The following FRMD4A variants were observed in gnomAD, a reference collection of about 807,000 sequenced individuals.
FRMD4A encodes the protein FERM domain-containing protein 4A.
FRMD4A carries 29 observed loss-of-function variants against 129.1 expected under a neutral mutation model. That is an observed-to-expected ratio of 0.22 (90% CI 0.17 to 0.31). The LOEUF (loss-of-function observed/expected upper bound fraction) is 0.31. Ranked by LOEUF, FRMD4A falls within the 10% of genes least tolerant of loss-of-function variation. The pLI, the probability that FRMD4A is intolerant of heterozygous loss-of-function variation, is 1.00. For missense variants in FRMD4A, 1,272 were observed against 1,375.8 expected, an observed-to-expected ratio of 0.92 and a Z score of 1.19; for synonymous variants, 634 against 571.6, an observed-to-expected ratio of 1.11 and a Z score of -1.56.
At chr10:14,090,569 C>G (rs1043146243) in intron 2 of FRMD4A, among the ~76,000 whole-genome samples, 2 of 152,182 alleles carry the variant, frequency 1.3e-5, no homozygotes, top group Non-Finnish European at 2.9e-5. Flanking sequence ...CAGCATCCCC[C>G]CAGCCGCTCC....
In FRMD4A at chr10:13,871,631, C is replaced by T. The variant is rs564068061; in HGVS notation, c.46-12719G>A. 1.2e-4 allele frequency among the ~76,000 whole-genome samples: 19 copies of T among 152,330 alleles called. No homozygotes were observed. The East Asian group carries it at 1.3e-3, about 11-fold the overall frequency. The stretch of plus-strand genomic sequence containing the variant: ...AGACTGAGGAAGCCGCTGACTCTGC[C>T]GGGTTCTCCCTGCTCTGCCACTCCA... On this transcript the variant is annotated intron_variant, in intron 2 of 24. Coordinates refer to ENST00000357447, the MANE Select transcript of FRMD4A (RefSeq NM_018027.5).
At chr10:14,156,641 G>A (rs192238759) in intron 2 of FRMD4A, among the ~76,000 whole-genome samples, 3 of 152,238 alleles carry the variant, frequency 2.0e-5, no homozygotes, top group East Asian at 1.9e-4. Flanking sequence ...AGAGATCTAC[G>A]TGGGTTTATA....
intron 2 of FRMD4A, among the ~76,000 whole-genome samples, chr10:14,147,745 C>T (rs996822816): frequency 1.3e-5 from 2 of 152,112 alleles, no homozygotes; most frequent in African/African-American, 2.4e-5. Flanking sequence ...CGCCACTCAC[C>T]TCCTGCTGTG....
chr10:13,963,122 C>T (rs1350630430), intron 2 of FRMD4A, among the ~76,000 whole-genome samples: 8 of 152,170 alleles, frequency 5.3e-5, no homozygotes, highest in African/African-American at 9.7e-5. Context: ...AATGGAAGCA[C>T]ACCAGTAGAA....
At chr10:13,945,489 T>A (rs2095324878) in intron 2 of FRMD4A, among the ~76,000 whole-genome samples, 1 of 152,196 alleles carries the variant, frequency 6.6e-6, no homozygotes, top group South Asian at 2.1e-4. Context: ...GTCTCAGGAT[T>A]TTTTTCCTTG....
chr10:14,285,449 T>A (rs529652857), intron 2 of FRMD4A, among the ~76,000 whole-genome samples: 1 of 152,340 alleles, frequency 6.6e-6, no homozygotes, highest in Admixed American at 6.5e-5. Context: ...TCAACCTAAA[T>A]GGAGTTTTAC....
At chr10:13,742,973 C>T (rs376974897) in intron 9 of FRMD4A, among the ~76,000 whole-genome samples, 2 of 152,190 alleles carry the variant, frequency 1.3e-5, no homozygotes, top group South Asian at 2.1e-4. Context: ...CAATGACTAC[C>T]TTAACCTCCA....
rs1182182065 is a variant in FRMD4A, at chr10:13,714,149, G to A, written c.760-7036C>T. Among the ~76,000 whole-genome samples, 5 of 147,358 alleles carry A rather than the reference G, an allele frequency of 3.4e-5. No homozygotes were observed. The Admixed American group carries it at 3.5e-4, about 10-fold the overall frequency. ...TTCTCAGCTCACTGCAACCTCTGCTGCCTCCCGGGTTCAAGTGATTCTCTT... is the reference window on the plus strand; with the variant it reads ...TTCTCAGCTCACTGCAACCTCTGCTACCTCCCGGGTTCAAGTGATTCTCTT... On this transcript the variant is annotated intron_variant, in intron 12 of 24. Transcript: ENST00000357447.
intron 2 of FRMD4A, among the ~76,000 whole-genome samples, chr10:13,942,934 C>G (rs530476292): frequency 6.8e-6 from 1 of 146,446 alleles, no homozygotes; most frequent in East Asian, 2.2e-4. Flanking sequence ...TCCATCTCAA[C>G]AAAAAGGCAA....
At chr10:14,191,298 G>A (rs953047702) in intron 2 of FRMD4A, among the ~76,000 whole-genome samples, 5 of 152,192 alleles carry the variant, frequency 3.3e-5, no homozygotes, top group Admixed American at 2.6e-4. Context: ...TCTGCTTTGA[G>A]AGAATTTTAT....
chr10:13,789,550 T>C (rs993258558), intron 5 of FRMD4A, among the ~76,000 whole-genome samples: 7 of 128,174 alleles, frequency 5.5e-5, no homozygotes, highest in Non-Finnish European at 1.7e-5. Context: ...GTTGTGCCTA[T>C]GAAAAGACCA....
At position 14,245,509 on chromosome 10, in the gene FRMD4A, G is replaced by A. The variant is rs1237653021; in HGVS notation, c.45+84549C>T. ...CTCAAGTCCTGTTGTGGGCTGAATT[G>A]TATCTCCCTTACCCCCCAAACTCAT... is the stretch of plus-strand genomic sequence containing the variant. On this transcript the variant is annotated intron_variant, in intron 2 of 24. Transcript: ENST00000357447. Among the ~76,000 whole-genome samples, 6 of 152,248 alleles carry A rather than the reference G, an allele frequency of 3.9e-5. No homozygotes were observed. In the South Asian group the frequency reaches 6.2e-4, roughly 16 times the overall value.
rs145607175 is a variant in FRMD4A, at chr10:13,654,938, G to A, written c.2954-426C>T. ...TTTCTCTGGCCCCAGGGCATTTTCA[G>A]TGTGGCCCTGTTATGAAATTGTTTC... is the stretch of plus-strand genomic sequence containing the variant. On this transcript the variant is annotated intron_variant, in intron 22 of 24. Transcript: ENST00000357447. 8.3e-4 allele frequency: 146 copies of A among 176,694 alleles called. No individual in the cohort carries two copies. The South Asian group carries it at 9.8e-3, about 12-fold the overall frequency. The allele number at this position is 176,694 out of a possible 1,614,324, so 10.9% of individuals were successfully genotyped here. A position where few individuals can be genotyped will look rare whatever the true frequency, so the allele number is the denominator to read the frequency against.
chr10:13,913,653 C>A lies in FRMD4A; in HGVS notation c.46-54741G>T, dbSNP rs185383926. ...ACATCTACTGAGCTCCTGCAACATG[C>A]CAGGACCTCAGTAGATGGGGTATCC... On this transcript the variant is annotated intron_variant, in intron 2 of 24. Transcript: ENST00000357447. 4.9e-4 allele frequency among the ~76,000 whole-genome samples: 74 copies of A among 152,236 alleles called. No homozygotes were observed. The East Asian group carries it at 0.014, about 29-fold the overall frequency.
At chr10:14,148,172 C>T (rs1465577634) in intron 2 of FRMD4A, among the ~76,000 whole-genome samples, 3 of 152,154 alleles carry the variant, frequency 2.0e-5, no homozygotes, top group Non-Finnish European at 2.9e-5. Flanking sequence ...TGATGTGCAT[C>T]CACCCCCTCT....
At chr10:13,709,659 G>A (rs1378015429) in intron 12 of FRMD4A, among the ~76,000 whole-genome samples, 1 of 152,160 alleles carries the variant, frequency 6.6e-6, no homozygotes, top group Non-Finnish European at 1.5e-5. Context: ...CCTGTTGGCT[G>A]CATACCACGG....
intron 2 of FRMD4A, among the ~76,000 whole-genome samples, chr10:14,101,181 T>A (rs992480814): frequency 1.1e-4 from 16 of 152,332 alleles, no homozygotes; most frequent in African/African-American, 3.8e-4. Flanking sequence ...GTTTGAAAAT[T>A]TCTGGGCTAG....
At chr10:13,686,338 C>T (rs729292) in intron 15 of FRMD4A, among the ~76,000 whole-genome samples, 17,295 of 152,294 alleles carry the variant, frequency 0.11, 1,959 homozygotes, top group African/African-American at 0.3. Flanking sequence ...GCAGTGAATT[C>T]TGAGCTGAAC....
intron 2 of FRMD4A, among the ~76,000 whole-genome samples, chr10:14,303,368 C>T (rs1343683912): frequency 6.6e-6 from 1 of 152,162 alleles, no homozygotes; most frequent in Non-Finnish European, 1.5e-5. Context: ...CCACAAGCTC[C>T]CTGGTGATGC....
Sources: allele counts gnomAD v4.1 joint callset (sites outside exome capture counted in the v4.1 genomes callset), GRCh38; gene constraint gnomAD v4.1.1; transcripts MANE v1.5; gene names NCBI Gene and HGNC (gene_info 2026-07-23, HGNC 2026-07-21).